FAT4: variants seen among roughly 807,000 people sequenced by gnomAD.
FAT4 encodes the protein protocadherin Fat 4.
FAT4 carries 84 observed loss-of-function variants against 303.9 expected under a neutral mutation model. The observed-to-expected ratio is 0.28, with a 90% CI of 0.23 to 0.33. FAT4 has a LOEUF of 0.33. Among genes scored for constraint, FAT4 ranks in the 10% least tolerant of loss-of-function variants. The pLI is 1.00. For missense variants in FAT4, 6,005 were observed against 6,146.8 expected (o/e 0.98, Z 0.77); for synonymous variants, 2,307 against 2,298.8 (o/e 1.00, Z -0.10).
At chr4:125,354,684 T>A (rs2125980784) in intron 2 of FAT4, among the ~76,000 whole-genome samples, 1 of 147,490 alleles carries the variant, frequency 6.8e-6, no homozygotes, top group East Asian at 2.0e-4. Context: ...AAAATGTGTG[T>A]GGAAATGGAA....
intron 8 of FAT4, 33 bp from the exon 9 acceptor site, chr4:125,446,260 A>G (rs1431529732): frequency 6.3e-7 from 1 of 1,585,034 alleles, no homozygotes; most frequent in Admixed American, 1.7e-5. Flanking sequence ...TTAAAACTAT[A>G]TGACATATCC....
intron 7 of FAT4, among the ~76,000 whole-genome samples, chr4:125,424,680 G>A (rs1725027048): frequency 6.6e-6 from 1 of 152,160 alleles, no homozygotes; most frequent in South Asian, 2.1e-4. Context: ...AGATAGGCTG[G>A]TGAAGAGGTC....
chr4:125,451,707 G>A lies in FAT4; in HGVS notation c.10697G>A (p.Gly3566Glu). ...ATSYFSLSTA[G>E]VLSTTREIDR... is the part of the protein sequence containing the mutation. ...AGTTATTTCAGTCTGAGCACTGCTG[G>A]AGTTCTGAGCACAACCAGAGAGATT... Residue 3566 changes from glycine (G) to glutamate (E), a missense_variant, in exon 10 of 18, where the codon GGA (glycine) becomes GAA (glutamate). Transcript: ENST00000394329. 6.2e-7 allele frequency: 1 copy of A among 1,614,156 alleles called. No homozygotes were observed.
intron 2 of FAT4, among the ~76,000 whole-genome samples, chr4:125,349,981 A>G (rs1399423373): frequency 6.6e-6 from 1 of 151,726 alleles, no homozygotes; most frequent in Non-Finnish European, 1.5e-5. Context: ...TCAGTTTTTT[A>G]TGTATGGATC....
At chr4:125,416,705 G>A in intron 7 of FAT4, 83 bp downstream of exon 7, 1 of 1,412,450 alleles carries the variant, frequency 7.1e-7, no homozygotes. Context: ...CAGCACTTTG[G>A]GAGGCCAAGG....
rs146614235 is a variant in FAT4, at chr4:125,353,676, A to G, written c.5175+32090A>G. ...ATATTTATCTTAAGTAGAAACTATC[A>G]GTGCTGGTATTGTTGTAAGGGAGAT... On this transcript the variant is annotated intron_variant, in intron 2 of 17. Transcript: ENST00000394329. Among the ~76,000 whole-genome samples, 569 of 151,798 alleles carry G rather than the reference A, an allele frequency of 3.7e-3. 2 individuals carry two copies. Among genetic ancestry groups the G allele is most frequent in the African/African-American group, 0.013 (544 of 41,524 alleles).
Position 125,451,514 on chromosome 4 carries a change from C to G in FAT4, c.10504C>G (p.Leu3502Val), listed in dbSNP as rs1726072189. 1.9e-6 allele frequency: 3 copies of G among 1,613,976 alleles called. No homozygotes were observed. In the African/African-American group the frequency reaches 4.0e-5, roughly 22 times the overall value. The change falls in exon 10 of 18, where the codon CTG becomes GTG. Residue 3502 changes from leucine (L) to valine (V), a missense_variant. Leu to Val is a conservative substitution (Grantham distance 32, BLOSUM62 1). Coordinates refer to ENST00000394329, the MANE Select transcript of FAT4 (RefSeq NM_001291303.3). ...ATGSASLLVT[L>V]EDINDNGPML... is the part of the protein sequence containing the mutation. ...AGGTAGTGCCTCTTTATTAGTCACC[C>G]TGGAAGATATAAATGATAACGGGCC... is the stretch of plus-strand genomic sequence containing the variant.
intron 13 of FAT4, 87 bp from the exon 14 acceptor site, chr4:125,477,068 G>A (rs923709718): frequency 5.8e-5 from 61 of 1,046,686 alleles, no homozygotes; most frequent in Non-Finnish European, 6.7e-5. Context: ...TCAAAAAAAA[G>A]CTATATTCAC....
chr4:125,365,355 G>A (rs907722445), intron 2 of FAT4, among the ~76,000 whole-genome samples: 2 of 152,136 alleles, frequency 1.3e-5, no homozygotes, highest in African/African-American at 4.8e-5. Flanking sequence ...TGGATATGTT[G>A]TCCAAAAGAA....
At chr4:125,427,353 C>T (rs1560815772) in intron 7 of FAT4, among the ~76,000 whole-genome samples, 1 of 151,026 alleles carries the variant, frequency 6.6e-6, no homozygotes, top group East Asian at 1.9e-4. Context: ...TACTTCATGC[C>T]TTTATTTAGT....
In FAT4 at chr4:125,450,617, C is replaced by T; in HGVS notation, c.9607C>T (p.Pro3203Ser). 8 of 1,614,064 alleles carry T rather than the reference C, an allele frequency of 5.0e-6. No homozygotes were observed. Among genetic ancestry groups the T allele is most frequent in the Non-Finnish European group, 6.8e-6 (8 of 1,180,010 alleles). The stretch of plus-strand genomic sequence containing the variant: ...AGTATTCCTCTCTGATGACTATTTC[C>T]CTACTGTTTTGGAAAATGCCCCAAG... ...SPVFLSDDYF[P>S]TVLENAPSGT... Residue 3203 changes from proline (P) to serine (S), a missense_variant, in exon 10 of 18, where the codon CCT (proline) becomes TCT (serine). Transcript: ENST00000394329.
intron 2 of FAT4, among the ~76,000 whole-genome samples, chr4:125,330,732 G>A (rs1323286223): frequency 6.6e-6 from 1 of 152,174 alleles, no homozygotes; most frequent in African/African-American, 2.4e-5. Context: ...TGGCATCTCA[G>A]CCTTTGTCCT....
In FAT4 at chr4:125,320,092, A is replaced by C; in HGVS notation, c.3681A>C (p.Thr1227=). The change falls in exon 2 of 18, where the codon ACA becomes ACC. Residue 1227 remains threonine (T), a synonymous_variant. Coordinates refer to ENST00000394329, the MANE Select transcript of FAT4 (RefSeq NM_001291303.3). The stretch of plus-strand genomic sequence containing the variant: ...TATCAGAATCAGCAGCCAATCTGAC[A>C]CAAGTGTTAAGAGTATCTGCCTCAG... ...ATISESAANL[T]QVLRVSASDV... is the part of the protein sequence containing the mutation. The C allele has an allele frequency of 1.9e-6, 3 of 1,613,996 alleles. No homozygotes were observed. The highest frequency in any genetic ancestry group is 2.5e-6 in the Non-Finnish European group (3 of 1,179,910).
chr4:125,403,619 A>G (rs1734472615), intron 3 of FAT4, among the ~76,000 whole-genome samples: 1 of 152,092 alleles, frequency 6.6e-6, no homozygotes. Context: ...TCTAATTGCC[A>G]GATAACCATT....
At chr4:125,412,846 G>A (rs1734898577) in intron 5 of FAT4, among the ~76,000 whole-genome samples, 1 of 151,620 alleles carries the variant, frequency 6.6e-6, no homozygotes, top group Non-Finnish European at 1.5e-5. Flanking sequence ...TTGCTTGTTG[G>A]TATTTATTTT....
chr4:125,408,634 T>C lies in FAT4; in HGVS notation c.5760T>C (p.Asp1920=), dbSNP rs958415. 1,608,114 of 1,612,062 alleles carry C rather than the reference T, an allele frequency of 1. 802,128 individuals carry two copies. Among genetic ancestry groups the C allele is most frequent in the East Asian group, 1 (44,751 of 44,754 alleles). ...QYYILTVRAE[D]GGGQFTTIRV... is the part of the protein sequence containing the mutation. ...ATATCCTCACTGTTCGAGCAGAAGA[T>C]GGTGGGGGACAATTTACTACCATCA... Residue 1920 remains aspartate (D), a synonymous_variant, in exon 5 of 18, where the codon GAT becomes GAC. Transcript: ENST00000394329.
At chr4:125,397,420 G>C (rs1256250600) in intron 2 of FAT4, among the ~76,000 whole-genome samples, 1 of 152,026 alleles carries the variant, frequency 6.6e-6, no homozygotes, top group Non-Finnish European at 1.5e-5. Context: ...CATCTTCCAG[G>C]CTGCAGTTGT....
intron 7 of FAT4, among the ~76,000 whole-genome samples, chr4:125,423,987 C>G (rs971320601): frequency 2.0e-5 from 3 of 152,170 alleles, no homozygotes; most frequent in Admixed American, 2.0e-4. Flanking sequence ...TATGAAGTAA[C>G]TGCTTTGCTT....
chr4:125,452,252 A>T lies in FAT4; in HGVS notation c.11242A>T (p.Thr3748Ser), dbSNP rs1475283985. Residue 3748 changes from threonine to serine, a missense_variant, in exon 10 of 18, where the codon ACT (threonine) becomes TCT (serine). Transcript: ENST00000394329. ...CAGCTCACAGCTGACAGGCTTAGGG[A>T]CTGCTGTGCAACTGTACAGTGCATA... is the stretch of plus-strand genomic sequence containing the variant. ...IASSQLTGLGTAVQLYSAYEE... is the reference protein window; with the variant it reads ...IASSQLTGLGSAVQLYSAYEE... 3 of 1,614,090 alleles carry T rather than the reference A, an allele frequency of 1.9e-6. No individual in the cohort carries two copies. Among genetic ancestry groups the T allele is most frequent in the Non-Finnish European group, 2.5e-6 (3 of 1,180,040 alleles).
Sources: gnomAD v4.1 joint callset for allele counts (sites outside exome capture counted in the v4.1 genomes callset) on GRCh38, gnomAD v4.1.1 for gene constraint, MANE v1.5 for transcripts, NCBI Gene and HGNC (gene_info 2026-07-23, HGNC 2026-07-21) for gene names.